Variants in PUS7 observed in about 807,000 individuals in gnomAD.
PUS7 encodes pseudouridine synthase 7, also known as pseudouridylate synthase 7 homolog.
Under a neutral mutation model 79.8 loss-of-function variants are expected in PUS7, and 48 were observed. That is an observed-to-expected ratio of 0.60 (90% CI 0.48 to 0.76). The LOEUF is 0.76. Among genes scored for constraint, PUS7 ranks in the 30% least tolerant of loss-of-function variants. PUS7 has a pLI of 0.00. For synonymous variants in PUS7, 286 were observed against 272.2 expected (o/e 1.05, Z -0.50); for missense variants, 729 against 797.6 (o/e 0.91, Z 1.04).
intron 9 of PUS7, among the ~76,000 whole-genome samples, chr7:105,478,673 T>C (rs932090553): frequency 1.3e-5 from 2 of 152,216 alleles, no homozygotes; most frequent in South Asian, 2.1e-4. Context: ...TGTTCTTGAG[T>C]TGTAAGAGCT....
intron 5 of PUS7, among the ~76,000 whole-genome samples, chr7:105,495,694 G>A (rs1303091416): frequency 2.0e-5 from 3 of 152,174 alleles, no homozygotes; most frequent in East Asian, 3.9e-4. Flanking sequence ...GTAGTGAACC[G>A]AGATCATGCT....
intron 1 of PUS7, among the ~76,000 whole-genome samples, chr7:105,516,105 G>A (rs2133291809): frequency 6.6e-6 from 1 of 152,054 alleles, no homozygotes; most frequent in Non-Finnish European, 1.5e-5. Context: ...CACCACGCCT[G>A]GCCTAATTTT....
intron 7 of PUS7, among the ~76,000 whole-genome samples, chr7:105,483,311 C>T (rs1200696302): frequency 6.6e-6 from 1 of 152,062 alleles, no homozygotes; most frequent in African/African-American, 2.4e-5. Flanking sequence ...TACAGGCGCA[C>T]ACCACCATGC....
intron 1 of PUS7, among the ~76,000 whole-genome samples, chr7:105,519,155 TC>T (rs1826007761): frequency 6.6e-6 from 1 of 152,046 alleles, no homozygotes; most frequent in Admixed American, 6.6e-5. Context: ...CTTTCCTCCA[TC>T]CCCTGCAAAT....
intron 7 of PUS7, among the ~76,000 whole-genome samples, chr7:105,487,592 T>G (rs896758750): frequency 5.3e-5 from 8 of 152,318 alleles, no homozygotes; most frequent in Admixed American, 6.5e-5. Context: ...CATGATACTA[T>G]TCACAGTTTT....
chr7:105,473,340 C>G (rs1245976274), intron 9 of PUS7, among the ~76,000 whole-genome samples: 1 of 151,782 alleles, frequency 6.6e-6, no homozygotes, highest in Non-Finnish European at 1.5e-5. Flanking sequence ...ACCTCTGCCT[C>G]TTGGGCTTAA....
chr7:105,520,318 G>C (rs570368304), intron 1 of PUS7, among the ~76,000 whole-genome samples: 4 of 151,998 alleles, frequency 2.6e-5, no homozygotes, highest in Non-Finnish European at 5.9e-5. Flanking sequence ...AATTAGCCGG[G>C]CGTGGTGGCG....
At chr7:105,500,314 G>C (rs1023780057) in intron 5 of PUS7, among the ~76,000 whole-genome samples, 2 of 152,088 alleles carry the variant, frequency 1.3e-5, no homozygotes, top group Non-Finnish European at 1.5e-5. Flanking sequence ...ACAAAAAAAA[G>C]AAAGGCGGGT....
chr7:105,519,977 G>C (rs1186870205), intron 1 of PUS7, among the ~76,000 whole-genome samples: 2 of 152,180 alleles, frequency 1.3e-5, no homozygotes, highest in Admixed American at 1.3e-4. Flanking sequence ...TCCTAGGTAA[G>C]GAAAAACGCT....
At chr7:105,482,778 G>A (rs565033406) in intron 7 of PUS7, among the ~76,000 whole-genome samples, 1 of 151,926 alleles carries the variant, frequency 6.6e-6, no homozygotes, top group Non-Finnish European at 1.5e-5. Context: ...AAAAGGGATG[G>A]GGACAGAGAC....
chr7:105,503,496 T>A (rs1400178390), intron 4 of PUS7, among the ~76,000 whole-genome samples: 1 of 152,218 alleles, frequency 6.6e-6, no homozygotes, highest in Non-Finnish European at 1.5e-5. Flanking sequence ...CATCTCATAC[T>A]GAGAATTTTC....
In PUS7 at chr7:105,483,290, G is replaced by C. The variant is rs554693155; in HGVS notation, c.921-850C>G. 4.6e-5 allele frequency among the ~76,000 whole-genome samples: 7 copies of C among 152,012 alleles called. No homozygotes were observed. In the East Asian group the frequency reaches 1.4e-3, roughly 29 times the overall value. On this transcript the variant is annotated intron_variant, in intron 7 of 15. Coordinates refer to ENST00000469408, the MANE Select transcript of PUS7 (RefSeq NM_019042.5). ...TGAATCTCCTGCCTCAGCCTCCCAAGTAGCTGGGCTTACAGGCGCACACCA... is the reference window on the plus strand; with the variant it reads ...TGAATCTCCTGCCTCAGCCTCCCAACTAGCTGGGCTTACAGGCGCACACCA...
At chr7:105,476,649 C>T (rs1330220304) in intron 9 of PUS7, among the ~76,000 whole-genome samples, 1 of 152,176 alleles carries the variant, frequency 6.6e-6, no homozygotes, top group Non-Finnish European at 1.5e-5. Flanking sequence ...AGTCACTGCG[C>T]CTGGCCTATA....
intron 9 of PUS7, among the ~76,000 whole-genome samples, chr7:105,479,245 C>T (rs187543289): frequency 3.9e-4 from 59 of 152,266 alleles, no homozygotes; most frequent in African/African-American, 1.4e-3. Context: ...AGCTTTTTAA[C>T]CTCCTCAAAG....
intron 4 of PUS7, among the ~76,000 whole-genome samples, chr7:105,503,634 T>C (rs902936202): frequency 7.2e-5 from 11 of 152,296 alleles, no homozygotes; most frequent in African/African-American, 2.6e-4. Flanking sequence ...TTATTGCTAT[T>C]ATTATATATA....
intron 2 of PUS7, 114 bp from the exon 3 acceptor site, chr7:105,506,387 A>G (rs191604136): frequency 1.4e-6 from 1 of 737,034 alleles, no homozygotes; most frequent in African/African-American, 1.8e-5. Context: ...GAATTTTAAA[A>G]AATCTTCAGT....
At position 105,457,736 on chromosome 7, in the gene PUS7, G is replaced by A. The variant is rs545170702; in HGVS notation, c.*54C>T. ...CTGAACTAAGACAAAAATGCACAGG[G>A]AGCCAGGAAGCAAACACTTGTGTAC... On this transcript the variant is annotated 3_prime_UTR_variant, in exon 16 of 16. Transcript: ENST00000469408. 1.9e-6 allele frequency: 3 copies of A among 1,576,038 alleles called. No individual in the cohort carries two copies. Among genetic ancestry groups the A allele is most frequent in the Admixed American group, 1.8e-5 (1 of 56,194 alleles).
At chr7:105,515,024 G>C (rs2463634) in intron 1 of PUS7, among the ~76,000 whole-genome samples, 29,270 of 152,132 alleles carry the variant, frequency 0.19, 5,198 homozygotes, top group African/African-American at 0.47. Context: ...TCGATCTCCT[G>C]ACCTCGTGAT....
At chr7:105,519,789 G>T (rs183221887) in intron 1 of PUS7, among the ~76,000 whole-genome samples, 174 of 152,238 alleles carry the variant, frequency 1.1e-3, no homozygotes, top group Non-Finnish European at 3.4e-4. Flanking sequence ...GAGTAAGAGG[G>T]GTGTTCTTCA....
Sources: allele counts gnomAD v4.1 joint callset (sites outside exome capture counted in the v4.1 genomes callset), GRCh38; gene constraint gnomAD v4.1.1; transcripts MANE v1.5; gene names NCBI Gene and HGNC (gene_info 2026-07-23, HGNC 2026-07-21).